The following ITGAV variants were observed in gnomAD, a reference collection of about 807,000 sequenced individuals.
The protein encoded by ITGAV is integrin subunit alpha V.
A neutral mutation model predicts 143.8 loss-of-function variants in ITGAV; 76 were observed. The observed-to-expected ratio is 0.53, with a 90% confidence interval of 0.44 to 0.64. ITGAV has a LOEUF of 0.64. Ranked by LOEUF, ITGAV falls within the 30% of genes least tolerant of loss-of-function variation. The pLI is 0.00. For missense variants in ITGAV, 1,193 were observed against 1,274.7 expected, an observed-to-expected ratio of 0.94 and a Z score of 0.98; for synonymous variants, 453 against 446.7, an observed-to-expected ratio of 1.01 and a Z score of -0.18.
intron 10 of ITGAV, 35 bp downstream of exon 10, chr2:186,638,500 A>C (rs199695084): frequency 7.3e-5 from 112 of 1,536,782 alleles, no homozygotes; most frequent in Admixed American, 2.5e-4. Context: ...CTCTCCCACT[A>C]TAAAAGCAGT....
intron 26 of ITGAV, among the ~76,000 whole-genome samples, chr2:186,673,620 G>A (rs1159461742): frequency 2.6e-5 from 4 of 151,768 alleles, no homozygotes; most frequent in Non-Finnish European, 2.9e-5. Context: ...CCTTGATTAT[G>A]TGATTTCTGT....
Position 186,677,498 on chromosome 2 carries a change from T to C in ITGAV, c.*206T>C. 4.3e-6 allele frequency: 2 copies of C among 469,664 alleles called. No individual in the cohort carries two copies. Among genetic ancestry groups the C allele is most frequent in the Non-Finnish European group, 7.7e-6 (2 of 261,348 alleles). 29.1% of individuals were successfully genotyped at this position (469,664 alleles called of 1,614,324 possible). A position where few individuals can be genotyped will look rare whatever the true frequency, so the allele number is the denominator to read the frequency against. ...ACATTTAATAACATAGGGTGACTTGTGTTTTTAGGTATTTAAATAATAAAA... is the reference window on the plus strand; with the variant it reads ...ACATTTAATAACATAGGGTGACTTGCGTTTTTAGGTATTTAAATAATAAAA... On this transcript the variant is annotated 3_prime_UTR_variant, in exon 30 of 30. Coordinates refer to ENST00000261023, the MANE Select transcript of ITGAV (RefSeq NM_002210.5).
chr2:186,675,390 G>T (rs61764170), intron 26 of ITGAV, among the ~76,000 whole-genome samples: 107 of 152,202 alleles, frequency 7.0e-4, no homozygotes, highest in African/African-American at 2.4e-3. Flanking sequence ...GGAACTACAT[G>T]TGTGGCAAAA....
intron 5 of ITGAV, among the ~76,000 whole-genome samples, chr2:186,632,567 C>T (rs1168191080): frequency 6.6e-6 from 1 of 152,182 alleles, no homozygotes; most frequent in East Asian, 1.9e-4. Context: ...TAGGATTAGA[C>T]ACTTTTAGAT....
chr2:186,641,066 T>G lies in ITGAV; in HGVS notation c.956+99T>G, dbSNP rs56074166. Reference sequence around the variant, plus strand: ...TTTTTCTTCTGTTTTTGTATTCCTTTTCTGCTAATCTTTCTGTTTAAGGAA... The same window carrying G: ...TTTTTCTTCTGTTTTTGTATTCCTTGTCTGCTAATCTTTCTGTTTAAGGAA... On this transcript the variant is annotated intron_variant, in intron 11 of 29. Transcript: ENST00000261023. 7.2e-3 allele frequency: 6,617 copies of G among 921,468 alleles called. 52 individuals are homozygous for G. Among genetic ancestry groups the G allele is most frequent in the South Asian group, 0.017 (1,086 of 65,314 alleles). The allele number at this position is 921,468 out of a possible 1,614,324, so 57.1% of individuals were successfully genotyped here. A position where few individuals can be genotyped will look rare whatever the true frequency, so the allele number is the denominator to read the frequency against.
chr2:186,621,060 G>A (rs1687506259), intron 2 of ITGAV, among the ~76,000 whole-genome samples: 1 of 151,952 alleles, frequency 6.6e-6, no homozygotes, highest in African/African-American at 2.4e-5. Context: ...TGTCTTTATG[G>A]CTTTGTTTTA....
In ITGAV at chr2:186,651,965, T is replaced by C; in HGVS notation, c.1398-17T>C. On this transcript the variant is annotated splice_polypyrimidine_tract_variant and intron_variant, in intron 14 of 29. Transcript: ENST00000261023. ...TAAATAATTTTTTACTTCATCTTCT[T>C]TTCCCTCCCCCGCTAGGGCCAGACC... 6.7e-7 allele frequency: 1 copy of C among 1,485,416 alleles called. No homozygotes were observed. The highest frequency in any genetic ancestry group is 9.3e-7 in the Non-Finnish European group (1 of 1,080,236). The allele number at this position is 1,485,416 out of a possible 1,614,324, so 92.0% of individuals were successfully genotyped here.
chr2:186,655,961 A>G (rs1688570448), intron 16 of ITGAV, among the ~76,000 whole-genome samples: 2 of 152,174 alleles, frequency 1.3e-5, no homozygotes, highest in African/African-American at 4.8e-5. Flanking sequence ...GCTTAAATTA[A>G]AAGATAGCAT....
At chr2:186,635,637 CA>C (rs35993520) in intron 6 of ITGAV, among the ~76,000 whole-genome samples, 7 of 152,146 alleles carry the variant, frequency 4.6e-5, no homozygotes, top group Non-Finnish European at 8.8e-5. Flanking sequence ...AGGTTGTGAA[CA>C]AAGGTGAACT....
At chr2:186,628,186 A>G (rs1559049124) in intron 4 of ITGAV, among the ~76,000 whole-genome samples, 2 of 152,210 alleles carry the variant, frequency 1.3e-5, no homozygotes, top group Non-Finnish European at 1.5e-5. Context: ...TCATACTTCA[A>G]TAAATTATGC....
chr2:186,631,635 C>G (rs1574478574), intron 5 of ITGAV, among the ~76,000 whole-genome samples: 2 of 152,242 alleles, frequency 1.3e-5, no homozygotes, highest in Admixed American at 1.3e-4. Context: ...TATATGTACG[C>G]TTTCTTAGAA....
In ITGAV at chr2:186,680,478, A is replaced by G. The variant is rs202002715; in HGVS notation, c.*3186A>G. The G allele has an allele frequency of 7.9e-5, 12 of 152,664 alleles. 1 individual carries two copies. In the East Asian group the frequency reaches 2.1e-3, roughly 27 times the overall value. 9.5% of individuals were successfully genotyped at this position (152,664 alleles called of 1,614,324 possible). ...TGTCATTGTTCTCAAGTGCAATATA[A>G]CAATGTAACCAAATCTAGATAATTT... is the stretch of plus-strand genomic sequence containing the variant. On this transcript the variant is annotated 3_prime_UTR_variant, in exon 30 of 30. Transcript: ENST00000261023.
intron 17 of ITGAV, among the ~76,000 whole-genome samples, chr2:186,658,627 G>A (rs1313917503): frequency 6.6e-6 from 1 of 152,048 alleles, no homozygotes; most frequent in African/African-American, 2.4e-5. Flanking sequence ...AGAATGGATG[G>A]ATCTTAAGAG....
At chr2:186,623,684 T>C (rs1284003168) in intron 3 of ITGAV, among the ~76,000 whole-genome samples, 1 of 152,216 alleles carries the variant, frequency 6.6e-6, no homozygotes, top group Admixed American at 6.5e-5. Flanking sequence ...ATAGGACTCT[T>C]GTTTCCTTCC....
At chr2:186,636,991 G>T (rs544111161) in intron 7 of ITGAV, 74 bp from the exon 8 acceptor site, 7 of 1,209,232 alleles carry the variant, frequency 5.8e-6, no homozygotes, top group Non-Finnish European at 8.6e-6. Context: ...TATTTTCAAG[G>T]AATGCTTACT....
At chr2:186,617,369 A>T (rs1047101998) in intron 2 of ITGAV, among the ~76,000 whole-genome samples, 6 of 152,202 alleles carry the variant, frequency 3.9e-5, no homozygotes, top group Non-Finnish European at 8.8e-5. Context: ...ATGCCTTTGG[A>T]AACACCGGGG....
At chr2:186,644,044 A>G (rs1688180905) in intron 12 of ITGAV, among the ~76,000 whole-genome samples, 1 of 152,086 alleles carries the variant, frequency 6.6e-6, no homozygotes, top group Non-Finnish European at 1.5e-5. Context: ...CCCAGGCTCA[A>G]GCAATTCTCA....
chr2:186,646,636 C>T (rs201304642), intron 12 of ITGAV, 50 bp from the exon 13 acceptor site: 42 of 1,394,480 alleles, frequency 3.0e-5, no homozygotes, highest in Non-Finnish European at 4.0e-5. Flanking sequence ...TTCTTTTCCT[C>T]CTCCTTACTT....
At chr2:186,607,262 G>A (rs1356121233) in intron 2 of ITGAV, among the ~76,000 whole-genome samples, 1 of 152,104 alleles carries the variant, frequency 6.6e-6, no homozygotes, top group Non-Finnish European at 1.5e-5. Flanking sequence ...TATTTGGGAA[G>A]TAATTTAGTT....
Sources: allele counts gnomAD v4.1 joint callset (sites outside exome capture counted in the v4.1 genomes callset), GRCh38; gene constraint gnomAD v4.1.1; transcripts MANE v1.5; gene names NCBI Gene and HGNC (gene_info 2026-07-23, HGNC 2026-07-21).